Variants in SCN9A observed in about 807,000 individuals in gnomAD.
The protein encoded by SCN9A is sodium channel protein type 9 subunit alpha.
In SCN9A, 131 loss-of-function variants were observed where a neutral mutation model predicts 187.0. That is an observed-to-expected ratio of 0.70 (90% confidence interval 0.61 to 0.81). The LOEUF (loss-of-function observed/expected upper bound fraction) is 0.81. SCN9A is among the 30% of genes least tolerant of loss of function. SCN9A has a pLI of 0.00. For synonymous variants in SCN9A, 809 were observed against 808.6 expected (o/e 1.00, Z -0.01); for missense variants, 2,252 against 2,396.6 (o/e 0.94, Z 1.26).
intron 1 of SCN9A, among the ~76,000 whole-genome samples, chr2:166,361,325 T>G (rs1700278936): frequency 6.6e-6 from 1 of 152,172 alleles, no homozygotes; most frequent in African/African-American, 2.4e-5. Flanking sequence ...AAAGCTTTTG[T>G]ATTGCATATA....
Position 166,204,347 on chromosome 2 carries a change from T to C in SCN9A, c.4503+13A>G. ...TGAAAATCTATATGCTAAAGATATA[T>C]ATATTTTTTTACCCCTGGTCGAGGA... On this transcript the variant is annotated intron_variant, in intron 25 of 26. Coordinates refer to ENST00000642356, the MANE Select transcript of SCN9A (RefSeq NM_001365536.1). 2 of 1,587,612 alleles carry C rather than the reference T, an allele frequency of 1.3e-6. No individual in the cohort carries two copies. The highest frequency in any genetic ancestry group is 1.7e-6 in the Non-Finnish European group (2 of 1,159,174).
At chr2:166,349,232 A>G (rs575278958) in intron 1 of SCN9A, among the ~76,000 whole-genome samples, 200 of 152,290 alleles carry the variant, frequency 1.3e-3, no homozygotes, top group African/African-American at 4.6e-3. Flanking sequence ...TTCTACTCCC[A>G]TATTTAGCCC....
chr2:166,276,440 G>A (rs1574850278), intron 16 of SCN9A: 2 of 152,158 alleles, frequency 1.3e-5, no homozygotes, highest in East Asian at 3.9e-4. Context: ...TAATGTGCAT[G>A]TGTCATTTAT....
intron 1 of SCN9A, among the ~76,000 whole-genome samples, chr2:166,318,810 T>A (rs540907392): frequency 4.0e-4 from 61 of 152,242 alleles, no homozygotes; most frequent in African/African-American, 1.4e-3. Context: ...AAAATATGTA[T>A]ATGTAAAAAT....
At chr2:166,368,346 AT>A (rs1700467598) in intron 1 of SCN9A, among the ~76,000 whole-genome samples, 1 of 152,212 alleles carries the variant, frequency 6.6e-6, no homozygotes, top group Admixed American at 6.5e-5. Context: ...TAACAGCATA[AT>A]TGCTGGCCTT....
chr2:166,286,521 C>T lies in SCN9A; in HGVS notation c.1417G>A (p.Ala473Thr). Reference protein sequence around the residue: ...SETSKLSSKSAKERRNRRKKK... With the variant: ...SETSKLSSKSTKERRNRRKKK... ...TTTCTTCTGTTTCTTCTTTCTTTAGCACTTTTAGAGCTCAGTTTGGATGTT... is the reference window on the plus strand; with the variant it reads ...TTTCTTCTGTTTCTTCTTTCTTTAGTACTTTTAGAGCTCAGTTTGGATGTT... Residue 473 changes from alanine (A) to threonine (T), a missense_variant, in exon 11 of 27, where the codon GCT becomes ACT. Physicochemically the swap from Ala to Thr is moderately conservative, Grantham distance 58 (BLOSUM62 0). Transcript: ENST00000642356. 1 of 1,612,992 alleles carries T rather than the reference C, an allele frequency of 6.2e-7. No individual in the cohort carries two copies. Among genetic ancestry groups the T allele is most frequent in the Non-Finnish European group, 8.5e-7 (1 of 1,179,568 alleles).
chr2:166,230,116 A>G (rs1695018381), intron 21 of SCN9A, among the ~76,000 whole-genome samples: 1 of 152,060 alleles, frequency 6.6e-6, no homozygotes, highest in Non-Finnish European at 1.5e-5. Flanking sequence ...CTCCGTTGCA[A>G]CTATTCAACT....
chr2:166,212,735 C>G (rs1694152869), intron 24 of SCN9A, among the ~76,000 whole-genome samples: 1 of 152,106 alleles, frequency 6.6e-6, no homozygotes, highest in Admixed American at 6.5e-5. Flanking sequence ...CATATCAGGT[C>G]ATGAAGTTTG....
Position 166,318,380 on chromosome 2 carries a change from G to C in SCN9A, c.-50-6574C>G, listed in dbSNP as rs142138406. Among the ~76,000 whole-genome samples, 272 of 151,956 alleles carry C rather than the reference G, an allele frequency of 1.8e-3. 1 individual carries two copies. The highest frequency in any genetic ancestry group is 5.9e-3 in the African/African-American group (246 of 41,432). ...ATGCAAACCTGGCCAACACCAACCT[G>C]GCCTTTCTTCCATAAATATTAATAG... On this transcript the variant is annotated intron_variant, in intron 1 of 26. Transcript: ENST00000642356.
rs773240225 is a variant in SCN9A, at chr2:166,199,702, T to C, written c.4937A>G (p.Asn1646Ser). The part of the protein sequence containing the change: ...ALMMSLPALF[N>S]IGLLLFLVMF... The stretch of plus-strand genomic sequence containing the variant: ...GACCAGGAAGAGCAGGAGGCCGATG[T>C]TAAACAACGCAGGAAGGGACATCAT... The change falls in exon 27 of 27, where the codon AAC becomes AGC. Residue 1646 changes from asparagine to serine, a missense_variant. Transcript: ENST00000642356. The C allele has an allele frequency of 6.2e-7, 1 of 1,614,074 alleles. No homozygotes were observed. The highest frequency in any genetic ancestry group is 1.7e-5 in the Admixed American group (1 of 60,010).
In SCN9A at chr2:166,277,033, C is replaced by T. The variant is rs376303259; in HGVS notation, c.2824G>A (p.Ala942Thr). 10 of 1,613,884 alleles carry T rather than the reference C, an allele frequency of 6.2e-6. No individual in the cohort carries two copies. Among genetic ancestry groups the T allele is most frequent in the Non-Finnish European group, 8.5e-6 (10 of 1,179,948 alleles). The change falls in exon 16 of 27, where the codon GCT becomes ACT. Residue 942 changes from alanine to threonine, a missense_variant. Ala to Thr is a moderately conservative substitution (Grantham distance 58). Around this residue, in one of 7 missense-constraint regions of SCN9A, gnomAD observed 119 missense variants for 188.7 expected, o/e 0.63. Transcript: ENST00000642356. Reference protein sequence around the residue: ...MWDCMEVAGQAMCLIVYMMVM... With the variant: ...MWDCMEVAGQTMCLIVYMMVM... ...ATCATGTAAACAATAAGGCACATAG[C>T]TTGACCAGCGACCTCCATACAGTCC...
intron 17 of SCN9A, among the ~76,000 whole-genome samples, chr2:166,254,961 T>C (rs1696202652): frequency 6.6e-6 from 1 of 151,480 alleles, no homozygotes; most frequent in Admixed American, 6.6e-5. Context: ...TGATATTGAC[T>C]GTGCCTTCTA....
intron 21 of SCN9A, among the ~76,000 whole-genome samples, chr2:166,230,477 C>T (rs1022263192): frequency 2.2e-4 from 33 of 152,216 alleles, no homozygotes; most frequent in African/African-American, 6.0e-4. Context: ...ATGTTTATCA[C>T]GTAGGCACTC....
At position 166,306,494 on chromosome 2, in the gene SCN9A, A is replaced by T. The variant is rs761116601; in HGVS notation, c.467+16T>A. ...TAATACCAAAACTATATTAAAATGT[A>T]CTTATACCCACTTACTCGACATTTT... On this transcript the variant is annotated intron_variant, in intron 4 of 26. Coordinates refer to ENST00000642356, the MANE Select transcript of SCN9A (RefSeq NM_001365536.1). 1.5e-6 allele frequency: 2 copies of T among 1,323,768 alleles called. No individual in the cohort carries two copies. 82.0% of individuals were successfully genotyped at this position (1,323,768 alleles called of 1,614,324 possible).
chr2:166,333,627 T>C (rs1163143641), intron 1 of SCN9A, among the ~76,000 whole-genome samples: 1 of 152,054 alleles, frequency 6.6e-6, no homozygotes, highest in Admixed American at 6.6e-5. Flanking sequence ...CCATATTTCA[T>C]GACATAACTT....
intron 16 of SCN9A, among the ~76,000 whole-genome samples, chr2:166,273,792 C>A (rs1697108676): frequency 6.6e-6 from 1 of 152,100 alleles, no homozygotes; most frequent in South Asian, 2.1e-4. Context: ...TGGCCCAAAT[C>A]ATCTACCTCA....
Position 166,227,727 on chromosome 2 carries a change from TA to T in SCN9A, c.4207-5del. The stretch of plus-strand genomic sequence containing the variant: ...TCGTCCATCCCTTAAAAGTTGCCTT[TA>T]AGAATAACATTAATAGAATTTGAAT... On this transcript the variant is annotated splice_polypyrimidine_tract_variant and splice_region_variant and intron_variant, in intron 22 of 26. Transcript: ENST00000642356. 1 of 1,435,970 alleles carries T rather than the reference TA, an allele frequency of 7.0e-7. No individual in the cohort carries two copies. The highest frequency in any genetic ancestry group is 9.6e-7 in the Non-Finnish European group (1 of 1,040,152). The allele number at this position is 1,435,970 out of a possible 1,614,324, so 89.0% of individuals were successfully genotyped here. A position where few individuals can be genotyped will look rare whatever the true frequency, so the allele number is the denominator to read the frequency against.
At position 166,204,350 on chromosome 2, in the gene SCN9A, A is replaced by AT. The variant is rs759871579; in HGVS notation, c.4503+9dup. The AT allele has an allele frequency of 3.3e-5, 52 of 1,594,776 alleles. No individual in the cohort carries two copies. In the African/African-American group the frequency reaches 3.5e-4, roughly 11 times the overall value. Reference sequence around the variant, plus strand: ...AAATCTATATGCTAAAGATATATATATTTTTTTACCCCTGGTCGAGGAATT... The same window carrying AT: ...AAATCTATATGCTAAAGATATATATATTTTTTTTACCCCTGGTCGAGGAATT... On this transcript the variant is annotated intron_variant, in intron 25 of 26. Transcript: ENST00000642356.
intron 9 of SCN9A, among the ~76,000 whole-genome samples, chr2:166,289,473 G>A (rs1697943494): frequency 6.6e-6 from 1 of 151,950 alleles, no homozygotes; most frequent in African/African-American, 2.4e-5. Flanking sequence ...TGAGAATGAT[G>A]GTTTCTAGCT....
Sources: allele counts gnomAD v4.1 joint callset (sites outside exome capture counted in the v4.1 genomes callset), GRCh38; gene constraint gnomAD v4.1.1; regional missense constraint gnomAD v4.1.1; transcripts MANE v1.5; gene names NCBI Gene and HGNC (gene_info 2026-07-23, HGNC 2026-07-21).